Variants in MPRIP observed in about 807,000 individuals in gnomAD.
MPRIP encodes the protein myosin phosphatase Rho interacting protein, also known as myosin phosphatase Rho-interacting protein.
Under a neutral mutation model 234.9 loss-of-function variants are expected in MPRIP, and 59 were observed. The observed-to-expected ratio is 0.25, with a 90% CI of 0.20 to 0.31. The LOEUF (loss-of-function observed/expected upper bound fraction) is 0.31. Among genes scored for constraint, MPRIP ranks in the 10% least tolerant of loss-of-function variants. The probability of loss-of-function intolerance (pLI) is 1.00; values close to 1 mark genes in which losing one functional copy is unlikely to be tolerated. For synonymous variants in MPRIP, 1,144 were observed against 1,263.9 expected (o/e 0.91, Z 2.01); for missense variants, 2,436 against 3,071.0 (o/e 0.79, Z 4.89).
At chr17:17,045,587 A>G (rs1485925882) in intron 1 of MPRIP, among the ~76,000 whole-genome samples, 2 of 152,204 alleles carry the variant, frequency 1.3e-5, no homozygotes, top group African/African-American at 2.4e-5. Flanking sequence ...GATGAGGACA[A>G]TAATGTCAGG....
chr17:17,056,146 G>A (rs1387667494), intron 1 of MPRIP, among the ~76,000 whole-genome samples: 2 of 152,270 alleles, frequency 1.3e-5, no homozygotes, highest in African/African-American at 2.4e-5. Context: ...TGGCATGTGC[G>A]GGGAAGGGTG....
At chr17:17,050,775 G>C (rs1473701521) in intron 1 of MPRIP, among the ~76,000 whole-genome samples, 1 of 152,244 alleles carries the variant, frequency 6.6e-6, no homozygotes, top group Non-Finnish European at 1.5e-5. Context: ...AGAGTTTAGG[G>C]GCAGAAGGGA....
At chr17:17,168,350 C>T (rs894697562) in intron 16 of MPRIP, 4 of 235,982 alleles carry the variant, frequency 1.7e-5, no homozygotes, top group East Asian at 2.2e-4. Context: ...AGCAACACCC[C>T]GGAGAGCCAG....
chr17:17,175,474 C>T (rs2046235862), intron 20 of MPRIP, 62 bp downstream of exon 20: 3 of 1,488,816 alleles, frequency 2.0e-6, no homozygotes, highest in African/African-American at 2.8e-5. Flanking sequence ...CAGGGGAGTG[C>T]AGCATGGCCC....
intron 1 of MPRIP, 59 bp downstream of exon 1, chr17:17,043,030 G>C (rs1277337663): frequency 2.6e-6 from 4 of 1,535,524 alleles, no homozygotes; most frequent in Non-Finnish European, 3.6e-6. Flanking sequence ...TCGGCGGCCG[G>C]GGCGCCGCCA....
intron 5 of MPRIP, among the ~76,000 whole-genome samples, chr17:17,135,547 G>A (rs1597865036): frequency 6.6e-6 from 1 of 152,224 alleles, no homozygotes; most frequent in South Asian, 2.1e-4. Context: ...CTCACAGCAG[G>A]CTGGTTAGTC....
chr17:17,048,027 T>C (rs974161211), intron 1 of MPRIP, among the ~76,000 whole-genome samples: 12 of 152,190 alleles, frequency 7.9e-5, no homozygotes, highest in African/African-American at 2.9e-4. Flanking sequence ...GCTCAGCTTC[T>C]ACATCCGCGT....
intron 3 of MPRIP, among the ~76,000 whole-genome samples, chr17:17,108,130 G>A (rs750492116): frequency 4.6e-5 from 7 of 152,224 alleles, no homozygotes; most frequent in African/African-American, 7.2e-5. Flanking sequence ...TGAGGGTTTC[G>A]TTTTCTTGTG....
chr17:17,104,437 A>T (rs1028664542), intron 3 of MPRIP, among the ~76,000 whole-genome samples: 7 of 152,126 alleles, frequency 4.6e-5, no homozygotes, highest in African/African-American at 1.7e-4. Context: ...CTGTGTCCTG[A>T]GGAGATGTGG....
chr17:17,156,028 G>A (rs902243004), intron 13 of MPRIP, among the ~76,000 whole-genome samples: 5 of 152,256 alleles, frequency 3.3e-5, no homozygotes, highest in African/African-American at 1.2e-4. Context: ...AGCTTATCAC[G>A]GGGGTCCAGG....
chr17:17,055,597 A>G (rs1206566596), intron 1 of MPRIP, among the ~76,000 whole-genome samples: 1 of 152,174 alleles, frequency 6.6e-6, no homozygotes, highest in African/African-American at 2.4e-5. Context: ...AGATCTAAAC[A>G]GGAGGAGTCT....
Position 17,180,046 on chromosome 17 carries a change from C to T in MPRIP, c.7164C>T (p.Asp2388=), listed in dbSNP as rs61740515. 0.02 allele frequency: 31,558 copies of T among 1,593,596 alleles called. 400 individuals are homozygous for T. Among genetic ancestry groups the T allele is most frequent in the Admixed American group, 0.027 (1,460 of 53,832 alleles). ...SKSNPDFLKK[D]RSCVTRQLRN... ...GCAACCCTGACTTCTTGAAGAAAGA[C>T]AGATCCTGTGTCACCCGGCAACTCA... Residue 2388 remains aspartate, a synonymous_variant, in exon 23 of 24, where the codon GAC becomes GAT. Transcript: ENST00000651222.
At chr17:17,116,497 A>G (rs1245992088) in intron 3 of MPRIP, among the ~76,000 whole-genome samples, 1 of 152,200 alleles carries the variant, frequency 6.6e-6, no homozygotes, top group Non-Finnish European at 1.5e-5. Context: ...ATGTTCATGA[A>G]GAATGGTTCT....
chr17:17,069,019 G>A (rs2089126761), intron 1 of MPRIP, among the ~76,000 whole-genome samples: 1 of 152,128 alleles, frequency 6.6e-6, no homozygotes, highest in Non-Finnish European at 1.5e-5. Flanking sequence ...GTTATTGAGA[G>A]GGATGTTGAA....
At position 17,158,679 on chromosome 17, in the gene MPRIP, G is replaced by C. The variant is rs1218784366; in HGVS notation, c.2077G>C (p.Glu693Gln). The C allele has an allele frequency of 8.1e-6, 13 of 1,607,796 alleles. No homozygotes were observed. The highest frequency in any genetic ancestry group is 6.7e-5 in the African/African-American group (5 of 74,820). Reference protein sequence around the residue: ...PADTHEPLRPEAEPGELERER... With the variant: ...PADTHEPLRPQAEPGELERER... ...TGACACCCACGAGCCCCTGCGCCCT[G>C]AGGCGGAGCCTGGGGAGCTGGAGCG... Residue 693 changes from glutamate to glutamine, a missense_variant, in exon 14 of 24, where the codon GAG (glutamate) becomes CAG (glutamine). Physicochemically the swap from Glu to Gln is conservative, Grantham distance 29. Transcript: ENST00000651222.
intron 3 of MPRIP, chr17:17,096,988 C>T (rs550924465): frequency 8.6e-5 from 29 of 338,498 alleles, no homozygotes; most frequent in South Asian, 9.2e-5. Context: ...CGTGCCTGCC[C>T]GGCTATCGTA....
At position 17,187,648 on chromosome 17, in the gene MPRIP, A is replaced by C. The variant is rs965597770; in HGVS notation, c.*2754A>C. On this transcript the variant is annotated 3_prime_UTR_variant, in exon 24 of 24. Coordinates refer to ENST00000651222, the MANE Select transcript of MPRIP (RefSeq NM_001364716.4). The stretch of plus-strand genomic sequence containing the variant: ...CCAACTGGTGCCACACTGAGCAGGG[A>C]GCCTTGTGCTGCACAGGGCTGGGCC... The C allele has an allele frequency of 1.3e-5, 2 of 152,250 alleles. No individual in the cohort carries two copies. Among genetic ancestry groups the C allele is most frequent in the Admixed American group, 6.5e-5 (1 of 15,282 alleles). 9.4% of individuals were successfully genotyped at this position (152,250 alleles called of 1,614,324 possible). A position where few individuals can be genotyped will look rare whatever the true frequency, so the allele number is the denominator to read the frequency against.
chr17:17,061,407 A>G (rs1388917699), intron 1 of MPRIP, among the ~76,000 whole-genome samples: 1 of 152,250 alleles, frequency 6.6e-6, no homozygotes, highest in Non-Finnish European at 1.5e-5. Context: ...TGAGTGTGGA[A>G]GTGTTTCCAC....
At chr17:17,124,196 T>G (rs575351402) in intron 3 of MPRIP, among the ~76,000 whole-genome samples, 20 of 152,272 alleles carry the variant, frequency 1.3e-4, no homozygotes, top group African/African-American at 4.8e-4. Flanking sequence ...AGCAGGGGCT[T>G]TGTTCAGCTG....
Sources: allele counts gnomAD v4.1 joint callset (sites outside exome capture counted in the v4.1 genomes callset), GRCh38; gene constraint gnomAD v4.1.1; transcripts MANE v1.5; gene names NCBI Gene and HGNC (gene_info 2026-07-23, HGNC 2026-07-21).